NPS: variants seen among roughly 807,000 people sequenced by gnomAD.
The protein encoded by NPS is neuropeptide S.
NPS carries 6 observed loss-of-function variants against 7.2 expected under a neutral mutation model. The observed-to-expected ratio is 0.83, with a 90% confidence interval of 0.46 to 1.64. The LOEUF (loss-of-function observed/expected upper bound fraction) is 1.64. NPS is among the 40% of genes most tolerant of loss of function. The pLI, the probability that NPS is intolerant of heterozygous loss-of-function variation, is 0.01. For missense variants in NPS, 123 were observed against 97.8 expected (o/e 1.26, Z -1.09); for synonymous variants, 42 against 36.7 (o/e 1.14, Z -0.52).
At position 127,549,495 on chromosome 10, in the gene NPS, A is replaced by G. The variant is rs1293684117; in HGVS notation, c.15A>G (p.Val5=). 1.2e-6 allele frequency: 2 copies of G among 1,611,008 alleles called. No individual in the cohort carries two copies. Among genetic ancestry groups the G allele is most frequent in the African/African-American group, 1.3e-5 (1 of 74,828 alleles). Residue 5 remains valine (V), a synonymous_variant, in exon 2 of 3, where the codon GTA becomes GTG. Coordinates refer to ENST00000398023, the MANE Select transcript of NPS (RefSeq NM_001030013.2). Reference sequence around the variant, plus strand: ...CTTTTTTTCTACTTTGCAGCTCAGTAAAACTCAATCTCATCCTAGTTCTGT... The same window carrying G: ...CTTTTTTTCTACTTTGCAGCTCAGTGAAACTCAATCTCATCCTAGTTCTGT... The part of the protein sequence containing the change: MISS[V]KLNLILVLSL...
chr10:127,550,714 T>C (rs34388290), intron 2 of NPS, among the ~76,000 whole-genome samples: 23,429 of 152,224 alleles, frequency 0.15, 2,067 homozygotes, highest in African/African-American at 0.22. Flanking sequence ...CTTATTTCTA[T>C]TTTTGCACGT....
chr10:127,549,348 A>G lies in NPS; in HGVS notation c.-21A>G. On this transcript the variant is annotated 5_prime_UTR_variant, in exon 1 of 3. Coordinates refer to ENST00000398023, the MANE Select transcript of NPS (RefSeq NM_001030013.2). Reference sequence around the variant, plus strand: ...TTTGGCAATAAAACCACCTATCTTTACAGATTTTGGGAAGTCCAAAATGAT... The same window carrying G: ...TTTGGCAATAAAACCACCTATCTTTGCAGATTTTGGGAAGTCCAAAATGAT... 6.2e-7 allele frequency: 1 copy of G among 1,602,248 alleles called. No individual in the cohort carries two copies. The highest frequency in any genetic ancestry group is 8.5e-7 in the Non-Finnish European group (1 of 1,170,896).
intron 2 of NPS, among the ~76,000 whole-genome samples, chr10:127,550,968 G>A (rs1844852860): frequency 1.3e-5 from 2 of 152,204 alleles, no homozygotes; most frequent in African/African-American, 4.8e-5. Context: ...TTTTAGGGAT[G>A]TTTCAGGAAT....
Position 127,552,766 on chromosome 10 carries a change from A to G in NPS, c.*127A>G. The G allele has an allele frequency of 6.1e-6, 4 of 657,448 alleles. No homozygotes were observed. Among genetic ancestry groups the G allele is most frequent in the Non-Finnish European group, 8.0e-6 (3 of 376,368 alleles). The allele number at this position is 657,448 out of a possible 1,614,324, so 40.7% of individuals were successfully genotyped here. On this transcript the variant is annotated 3_prime_UTR_variant, in exon 3 of 3. Transcript: ENST00000398023. ...ATTCTCAAATATCTTTCCTCTCCTG[A>G]CTGGTACAGAGTAAATTGAGTAAAA... is the stretch of plus-strand genomic sequence containing the variant.
Position 127,552,962 on chromosome 10 carries a change from T to C in NPS, c.*323T>C, listed in dbSNP as rs1025647824. Reference sequence around the variant, plus strand: ...CATGTTGACAGTCATCACGATAGTATGATTTTTTTTTTCCTGCCTGTAATA... The same window carrying C: ...CATGTTGACAGTCATCACGATAGTACGATTTTTTTTTTCCTGCCTGTAATA... On this transcript the variant is annotated 3_prime_UTR_variant, in exon 3 of 3. Coordinates refer to ENST00000398023, the MANE Select transcript of NPS (RefSeq NM_001030013.2). Among the ~76,000 whole-genome samples, 76 of 150,206 alleles carry C rather than the reference T, an allele frequency of 5.1e-4. No homozygotes were observed. The highest frequency in any genetic ancestry group is 1.8e-3 in the African/African-American group (71 of 39,582).
At position 127,551,082 on chromosome 10, in the gene NPS, C is replaced by A. The variant is rs376695703; in HGVS notation, c.91-1378C>A. Among the ~76,000 whole-genome samples, 166 of 152,054 alleles carry A rather than the reference C, an allele frequency of 1.1e-3. 2 individuals carry two copies. Among genetic ancestry groups the A allele is most frequent in the Admixed American group, 2.6e-3 (39 of 15,272 alleles). On this transcript the variant is annotated intron_variant, in intron 2 of 2. Transcript: ENST00000398023. ...TCCCTTCCTGCAATGACTCAGAGGC[C>A]CTTCCCTGCTGGGGATTTTAAATAG...
chr10:127,551,173 C>G (rs1457995146), intron 2 of NPS, among the ~76,000 whole-genome samples: 23 of 152,078 alleles, frequency 1.5e-4, no homozygotes, highest in Admixed American at 1.5e-3. Flanking sequence ...TAGTGGATGT[C>G]CGACTAAGAG....
At chr10:127,552,036 A>G (rs1844863098) in intron 2 of NPS, among the ~76,000 whole-genome samples, 1 of 152,218 alleles carries the variant, frequency 6.6e-6, no homozygotes, top group Admixed American at 6.5e-5. Context: ...CCTTATGGGG[A>G]AACTTGGCAA....
chr10:127,553,074 G>A lies in NPS; in HGVS notation c.*435G>A, dbSNP rs749354008. Among the ~76,000 whole-genome samples the A allele has an allele frequency of 7.2e-5, 11 of 151,976 alleles. No homozygotes were observed. Among genetic ancestry groups the A allele is most frequent in the Non-Finnish European group, 1.3e-4 (9 of 68,004 alleles). On this transcript the variant is annotated 3_prime_UTR_variant, in exon 3 of 3. Coordinates refer to ENST00000398023, the MANE Select transcript of NPS (RefSeq NM_001030013.2). ...ACAGGCTCAATTCTTGGGGTGGGGGGATGTGCTATTTCTGTTTCTAAGGGG... is the reference window on the plus strand; with the variant it reads ...ACAGGCTCAATTCTTGGGGTGGGGGAATGTGCTATTTCTGTTTCTAAGGGG...
rs776366166 is a variant in NPS, at chr10:127,552,526, A to G, written c.157A>G (p.Lys53Glu). The part of the protein sequence containing the change: ...NSCPTRLDRS[K>E]ELAFLKPILE... ...CTGCCCAACCAGATTGGACAGGAGC[A>G]AAGAACTAGCTTTTCTAAAGCCAAT... The change falls in exon 3 of 3, where the codon AAA (lysine) becomes GAA (glutamate). Residue 53 changes from lysine (K) to glutamate (E), a missense_variant. Physicochemically the swap from Lys to Glu is moderately conservative, Grantham distance 56. Coordinates refer to ENST00000398023, the MANE Select transcript of NPS (RefSeq NM_001030013.2). 6.2e-7 allele frequency: 1 copy of G among 1,612,828 alleles called. No individual in the cohort carries two copies. Among genetic ancestry groups the G allele is most frequent in the Admixed American group, 1.7e-5 (1 of 60,026 alleles).
At chr10:127,552,065 C>T (rs1238086737) in intron 2 of NPS, among the ~76,000 whole-genome samples, 9 of 152,200 alleles carry the variant, frequency 5.9e-5, no homozygotes, top group African/African-American at 1.9e-4. Flanking sequence ...GGACAGGCCC[C>T]AGGAGAAAAG....
rs1407411960 is a variant in NPS at position 127,553,012 on chromosome 10, TG to T, written c.*374del. Among the ~76,000 whole-genome samples, 1 of 152,148 alleles carries T rather than the reference TG, an allele frequency of 6.6e-6. No individual in the cohort carries two copies. Among genetic ancestry groups the T allele is most frequent in the African/African-American group, 2.4e-5 (1 of 41,424 alleles). On this transcript the variant is annotated 3_prime_UTR_variant, in exon 3 of 3. Coordinates refer to ENST00000398023, the MANE Select transcript of NPS (RefSeq NM_001030013.2). ...ATCATAACACGAATACTGTGATATT[TG>T]TTTTTCTTTTTAATACCGTTTTCTC...
In NPS at chr10:127,549,338, AC is replaced by A; in HGVS notation, c.-29del. On this transcript the variant is annotated 5_prime_UTR_variant, in exon 1 of 3. Coordinates refer to ENST00000398023, the MANE Select transcript of NPS (RefSeq NM_001030013.2). ...GTGTGAGAAATTTGGCAATAAAACC[AC>A]CTATCTTTACAGATTTTGGGAAGTC... The A allele has an allele frequency of 1.9e-6, 3 of 1,596,114 alleles. No individual in the cohort carries two copies. Among genetic ancestry groups the A allele is most frequent in the Non-Finnish European group, 2.6e-6 (3 of 1,165,896 alleles).
In NPS at chr10:127,552,736, T is replaced by G. The variant is rs1844869877; in HGVS notation, c.*97T>G. The G allele has an allele frequency of 1.3e-6, 1 of 773,132 alleles. No individual in the cohort carries two copies. The highest frequency in any genetic ancestry group is 2.3e-5 in the Admixed American group (1 of 43,436). The allele number at this position is 773,132 out of a possible 1,614,324, so 47.9% of individuals were successfully genotyped here. ...TCTTTATCATTGAGTGTTGGCATGC[T>G]CTCTATTCTCAAATATCTTTCCTCT... is the stretch of plus-strand genomic sequence containing the variant. On this transcript the variant is annotated 3_prime_UTR_variant, in exon 3 of 3. Transcript: ENST00000398023.
intron 2 of NPS, among the ~76,000 whole-genome samples, chr10:127,551,203 T>C (rs1311648243): frequency 1.3e-5 from 2 of 152,112 alleles, no homozygotes; most frequent in Non-Finnish European, 2.9e-5. Context: ...GGTTTTCTCA[T>C]GACCAATATT....
Position 127,549,470 on chromosome 10 carries a change from C to A in NPS, c.9-19C>A. ...TACTTGAGACTAAATCTTGATTGTA[C>A]TTTTTTTCTACTTTGCAGCTCAGTA... is the stretch of plus-strand genomic sequence containing the variant. On this transcript the variant is annotated intron_variant, in intron 1 of 2. Coordinates refer to ENST00000398023, the MANE Select transcript of NPS (RefSeq NM_001030013.2). 6.3e-7 allele frequency: 1 copy of A among 1,598,872 alleles called. No individual in the cohort carries two copies. Among genetic ancestry groups the A allele is most frequent in the Non-Finnish European group, 8.6e-7 (1 of 1,166,360 alleles).
In NPS at chr10:127,553,388, T is replaced by C. The variant is rs576450420; in HGVS notation, c.*749T>C. On this transcript the variant is annotated 3_prime_UTR_variant, in exon 3 of 3. Transcript: ENST00000398023. Reference sequence around the variant, plus strand: ...ATTTGGAAACCTGTTCCCCAAACTATGCTGATTAATGCCCTCTCCTTTCCC... The same window carrying C: ...ATTTGGAAACCTGTTCCCCAAACTACGCTGATTAATGCCCTCTCCTTTCCC... Among the ~76,000 whole-genome samples, 4 of 152,338 alleles carry C rather than the reference T, an allele frequency of 2.6e-5. No homozygotes were observed. In the East Asian group the frequency reaches 5.8e-4, roughly 22 times the overall value.
chr10:127,550,543 C>T (rs1480018236), intron 2 of NPS, among the ~76,000 whole-genome samples: 2 of 152,134 alleles, frequency 1.3e-5, no homozygotes, highest in African/African-American at 4.8e-5. Context: ...TTCCTAATTA[C>T]TTTCTGTTCT....
In NPS at chr10:127,552,719, A is replaced by C; in HGVS notation, c.*80A>C. The C allele has an allele frequency of 1.1e-6, 1 of 904,828 alleles. No homozygotes were observed. 56.0% of individuals were successfully genotyped at this position (904,828 alleles called of 1,614,324 possible). A position where few individuals can be genotyped will look rare whatever the true frequency, so the allele number is the denominator to read the frequency against. On this transcript the variant is annotated 3_prime_UTR_variant, in exon 3 of 3. Coordinates refer to ENST00000398023, the MANE Select transcript of NPS (RefSeq NM_001030013.2). ...ACTCAAAGTCCATCGTCTCTTTATCATTGAGTGTTGGCATGCTCTCTATTC... is the reference window on the plus strand; with the variant it reads ...ACTCAAAGTCCATCGTCTCTTTATCCTTGAGTGTTGGCATGCTCTCTATTC...
Sources: gnomAD v4.1 joint callset for allele counts (sites outside exome capture counted in the v4.1 genomes callset) on GRCh38, gnomAD v4.1.1 for gene constraint, MANE v1.5 for transcripts, NCBI Gene and HGNC (gene_info 2026-07-23, HGNC 2026-07-21) for gene names.